The following MPP2 variants were observed in gnomAD, a reference collection of about 807,000 sequenced individuals.
MPP2 encodes the protein MAGUK p55 subfamily member 2.
MPP2 carries 42 observed loss-of-function variants against 58.5 expected under a neutral mutation model. That is an observed-to-expected ratio of 0.72 (90% confidence interval 0.56 to 0.93). MPP2 has a LOEUF of 0.93. MPP2 is among the 40% of genes least tolerant of loss of function. The probability of loss-of-function intolerance (pLI) is 0.00; values close to 1 mark genes in which losing one functional copy is unlikely to be tolerated. For missense variants in MPP2, 632 were observed against 760.4 expected (o/e 0.83, Z 1.99); for synonymous variants, 300 against 307.8 (o/e 0.97, Z 0.26).
rs763744497 is a variant in MPP2, at chr17:43,880,698, C to T, written c.1143G>A (p.Thr381=). The part of the protein sequence containing the change: ...IMWDPDRYGT[T]VPYTSRRPKD... ...GGCCCAGCTCCCACTCACAGGGCAC[C>T]GTGGTGCCATAGCGATCTGGATCCC... Residue 381 remains threonine, a synonymous_variant, in exon 10 of 13, where the codon ACG becomes ACA. Coordinates refer to ENST00000269095, the MANE Select transcript of MPP2 (RefSeq NM_005374.5). The surrounding 1 kb of genome is among the most constrained non-coding windows in gnomAD (Gnocchi z 5.2). 6.8e-6 allele frequency: 11 copies of T among 1,609,358 alleles called. No individual in the cohort carries two copies. Among genetic ancestry groups the T allele is most frequent in the African/African-American group, 1.3e-5 (1 of 75,000 alleles).
chr17:43,879,832 G>T lies in MPP2; in HGVS notation c.1303C>A (p.Arg435=), dbSNP rs776118266. The T allele has an allele frequency of 1.4e-5, 23 of 1,613,822 alleles. No homozygotes were observed. The highest frequency in any genetic ancestry group is 1.9e-5 in the Non-Finnish European group (22 of 1,179,976). Residue 435 remains arginine, a synonymous_variant, in exon 11 of 13, where the codon CGG becomes AGG. Coordinates refer to ENST00000269095, the MANE Select transcript of MPP2 (RefSeq NM_005374.5). The surrounding 1 kb of genome is among the most constrained non-coding windows in gnomAD (Gnocchi z 4.1). The part of the protein sequence containing the change: ...NLYGTRIDSI[R]GVVAAGKVCV... ...ACCTTCCCAGCAGCGACCACGCCCCGGATGGAGTCAATACGTGTGCCATAC... is the reference window on the plus strand; with the variant it reads ...ACCTTCCCAGCAGCGACCACGCCCCTGATGGAGTCAATACGTGTGCCATAC...
intron 3 of MPP2, among the ~76,000 whole-genome samples, chr17:43,897,883 C>G (rs231498): frequency 0.8 from 121,938 of 152,204 alleles, 49,847 homozygotes; most frequent in East Asian, 1. Flanking sequence ...CTCTTTTAGT[C>G]AATCTCTCCC....
chr17:43,892,580 G>A (rs1216080174), intron 3 of MPP2, among the ~76,000 whole-genome samples: 4 of 152,006 alleles, frequency 2.6e-5, no homozygotes, highest in African/African-American at 9.7e-5. Context: ...GCTCCTTTAT[G>A]GAGATTCACT....
At chr17:43,900,685 G>A (rs1335534991) in intron 2 of MPP2, 1 of 1,400,266 alleles carries the variant, frequency 7.1e-7, no homozygotes, top group African/African-American at 1.4e-5. Context: ...CAATGGGAAG[G>A]CTCAGCCGCC....
chr17:43,896,303 C>T (rs749327321), intron 3 of MPP2, among the ~76,000 whole-genome samples: 2 of 152,114 alleles, frequency 1.3e-5, no homozygotes, highest in Admixed American at 1.3e-4. Context: ...CACTCCTGAG[C>T]CTTCCATTTC....
chr17:43,884,000 A>G lies in MPP2; in HGVS notation c.151-645T>C, dbSNP rs141233691. ...GGTTAGATGGGTCAGGAAGAAAAGA[A>G]TTCCATTTCAATAATATATATGAAG... On this transcript the variant is annotated intron_variant, in intron 3 of 12. Transcript: ENST00000269095. 2.5e-5 allele frequency: 17 copies of G among 666,966 alleles called. No individual in the cohort carries two copies. In the African/African-American group the frequency reaches 2.7e-4, roughly 11 times the overall value. The allele number at this position is 666,966 out of a possible 1,614,324, so 41.3% of individuals were successfully genotyped here. A position where few individuals can be genotyped will look rare whatever the true frequency, so the allele number is the denominator to read the frequency against.
At chr17:43,907,820 G>C (rs148813187), upstream of MPP2, 12 of 985,466 alleles carry the variant, frequency 1.2e-5, no homozygotes, top group African/African-American at 3.5e-5. Flanking sequence ...AGGGGCGATG[G>C]TAAAAGTGCC....
intron 2 of MPP2, chr17:43,900,603 A>G (rs2048053070): frequency 1.6e-5 from 24 of 1,492,562 alleles, no homozygotes; most frequent in Non-Finnish European, 2.1e-5. Context: ...GCCGCCGTCT[A>G]CCGCCTCCCC....
chr17:43,885,423 C>G lies in MPP2; in HGVS notation c.151-2068G>C, dbSNP rs746167476. 3.3e-5 allele frequency among the ~76,000 whole-genome samples: 5 copies of G among 152,206 alleles called. No individual in the cohort carries two copies. The South Asian group carries it at 6.2e-4, about 19-fold the overall frequency. On this transcript the variant is annotated intron_variant, in intron 3 of 12. Coordinates refer to ENST00000269095, the MANE Select transcript of MPP2 (RefSeq NM_005374.5). ...GGAATCAGCAATTTCTCCAAGGAAC[C>G]CTGATTCCTTTTAGCAGGAGATAGT...
At position 43,882,383 on chromosome 17, in the gene MPP2, G is replaced by T; in HGVS notation, c.582C>A (p.Gly194=). 1 of 1,612,112 alleles carries T rather than the reference G, an allele frequency of 6.2e-7. No individual in the cohort carries two copies. ...IIKEVNGQPV[G]SDPRALQELL... is the part of the protein sequence containing the mutation. ...GCTCCTGCAGTGCGCGGGGGTCACTGCCCACTGGCTGCCCGTTCACCTCCT... is the reference window on the plus strand; with the variant it reads ...GCTCCTGCAGTGCGCGGGGGTCACTTCCCACTGGCTGCCCGTTCACCTCCT... Residue 194 remains glycine (G), a synonymous_variant, in exon 6 of 13, where the codon GGC becomes GGA. Coordinates refer to ENST00000269095, the MANE Select transcript of MPP2 (RefSeq NM_005374.5).
chr17:43,908,041 G>A (rs113753513), upstream of MPP2: 2,907 of 932,564 alleles, frequency 3.1e-3, 75 homozygotes, highest in African/African-American at 0.049. Flanking sequence ...GTGGATATCC[G>A]GATTCCAGAC....
intron 2 of MPP2, chr17:43,901,392 C>T: frequency 1.0e-6 from 1 of 985,460 alleles, no homozygotes; most frequent in Non-Finnish European, 1.2e-6. Flanking sequence ...AACTCAGTTC[C>T]CCAGAAAGGA....
At chr17:43,907,560 C>T, upstream of MPP2, 1 of 985,520 alleles carries the variant, frequency 1.0e-6, no homozygotes, top group Non-Finnish European at 1.2e-6. Flanking sequence ...TAGCCCGGCT[C>T]TTAAAGCGGC....
intron 5 of MPP2, among the ~76,000 whole-genome samples, 179 bp downstream of exon 5, chr17:43,882,724 G>A (rs2047193371): frequency 6.6e-6 from 1 of 151,902 alleles, no homozygotes; most frequent in South Asian, 2.1e-4. Context: ...ACAGGTGTGT[G>A]TGCAGTGTCT....
chr17:43,883,162 C>A, intron 4 of MPP2, 41 bp downstream of exon 4: 2 of 1,570,674 alleles, frequency 1.3e-6, no homozygotes, highest in Non-Finnish European at 1.7e-6. Flanking sequence ...CCCAGTCCAC[C>A]CACCTCCTGC....
intron 6 of MPP2, among the ~76,000 whole-genome samples, 168 bp downstream of exon 6, chr17:43,882,116 C>G (rs998508681): frequency 6.6e-6 from 1 of 152,228 alleles, no homozygotes; most frequent in Non-Finnish European, 1.5e-5. Flanking sequence ...GGTGCAGCAG[C>G]GGCAGAGGCC....
chr17:43,901,337 C>T (rs1344259893), intron 2 of MPP2: 1 of 985,408 alleles, frequency 1.0e-6, no homozygotes, highest in African/African-American at 1.7e-5. Context: ...AGTTCTTCCT[C>T]TTAATGAAGG....
At chr17:43,907,993 G>T (rs573814663), upstream of MPP2, 2 of 985,000 alleles carry the variant, frequency 2.0e-6, no homozygotes, top group South Asian at 4.7e-5. Context: ...GCCCCAGAAG[G>T]CCTCGGGATC....
At position 43,876,111 on chromosome 17, in the gene MPP2, A is replaced by C. The variant is rs1477699211; in HGVS notation, c.*1696T>G. 1 of 152,680 alleles carries C rather than the reference A, an allele frequency of 6.5e-6. No individual in the cohort carries two copies. The highest frequency in any genetic ancestry group is 1.5e-5 in the Non-Finnish European group (1 of 68,036). The allele number at this position is 152,680 out of a possible 1,614,324, so 9.5% of individuals were successfully genotyped here. On this transcript the variant is annotated 3_prime_UTR_variant, in exon 13 of 13. Transcript: ENST00000269095. ...CCTGGCCTTTCCACCCCATGTGTAT[A>C]GTCTATGCAAATGCAAATGAGATTC...
Sources: gnomAD v4.1 joint callset for allele counts (sites outside exome capture counted in the v4.1 genomes callset) on GRCh38, gnomAD v4.1.1 for gene constraint, Gnocchi (gnomAD v3.1) non-coding constraint, MANE v1.5 for transcripts, NCBI Gene and HGNC (gene_info 2026-07-23, HGNC 2026-07-21) for gene names.